Variants in RABGAP1L observed in about 807,000 individuals in gnomAD.
RABGAP1L encodes RAB GTPase activating protein 1 like, also known as rab GTPase-activating protein 1-like.
RABGAP1L carries 63 observed loss-of-function variants against 137.7 expected under a neutral mutation model. That is an observed-to-expected ratio of 0.46 (90% CI 0.37 to 0.56). RABGAP1L has a LOEUF of 0.56. RABGAP1L is among the 20% of genes least tolerant of loss of function. The pLI is 0.00. For synonymous variants in RABGAP1L, 431 were observed against 433.7 expected (o/e 0.99, Z 0.08); for missense variants, 1,095 against 1,244.0 (o/e 0.88, Z 1.80).
intron 14 of RABGAP1L, among the ~76,000 whole-genome samples, chr1:174,678,795 A>G (rs1271359755): frequency 1.3e-5 from 2 of 152,186 alleles, no homozygotes; most frequent in African/African-American, 4.8e-5. Flanking sequence ...AACCCCAGGC[A>G]CTTAGCCTGC....
At chr1:174,349,126 C>G (rs1408782966) in intron 11 of RABGAP1L, among the ~76,000 whole-genome samples, 1 of 129,662 alleles carries the variant, frequency 7.7e-6, no homozygotes, top group Non-Finnish European at 1.6e-5. Context: ...ACCTCCCGGA[C>G]GGGGCGGCTG....
chr1:174,615,181 G>C (rs187165532), intron 13 of RABGAP1L, among the ~76,000 whole-genome samples: 3 of 152,294 alleles, frequency 2.0e-5, no homozygotes, highest in Non-Finnish European at 2.9e-5. Flanking sequence ...CAGTTTTTCT[G>C]CTCTGTTTTT....
intron 17 of RABGAP1L, among the ~76,000 whole-genome samples, chr1:174,750,999 C>CT (rs553142123): frequency 1.3e-5 from 2 of 151,924 alleles, no homozygotes; most frequent in Non-Finnish European, 2.9e-5. Flanking sequence ...CTGTAATAGT[C>CT]TTTTTTTTCT....
chr1:174,233,008 G>A (rs1234176409), intron 4 of RABGAP1L, among the ~76,000 whole-genome samples: 1 of 152,110 alleles, frequency 6.6e-6, no homozygotes, highest in Non-Finnish European at 1.5e-5. Flanking sequence ...TCGTGGTTGG[G>A]AGTTCCTAGA....
intron 13 of RABGAP1L, among the ~76,000 whole-genome samples, chr1:174,523,844 G>A (rs1194934754): frequency 6.6e-6 from 1 of 152,102 alleles, no homozygotes; most frequent in East Asian, 1.9e-4. Context: ...ATTTGTGTGA[G>A]ATCAAGTTTT....
At chr1:174,916,686 C>T (rs935840936) in intron 19 of RABGAP1L, among the ~76,000 whole-genome samples, 5 of 152,158 alleles carry the variant, frequency 3.3e-5, no homozygotes, top group African/African-American at 4.8e-5. Context: ...AAATCAGACT[C>T]GCTCTACTAT....
At chr1:174,459,457 G>C (rs1358579649) in intron 13 of RABGAP1L, among the ~76,000 whole-genome samples, 1 of 151,984 alleles carries the variant, frequency 6.6e-6, no homozygotes, top group African/African-American at 2.4e-5. Flanking sequence ...ATGCCCCAAG[G>C]ATACCAAAAT....
intron 13 of RABGAP1L, among the ~76,000 whole-genome samples, chr1:174,535,547 T>C (rs1251487512): frequency 1.3e-5 from 2 of 152,182 alleles, no homozygotes; most frequent in Non-Finnish European, 2.9e-5. Context: ...CGGAATACTT[T>C]TGAAAGAACT....
At chr1:174,855,891 G>A (rs1052726975) in intron 19 of RABGAP1L, among the ~76,000 whole-genome samples, 34 of 152,206 alleles carry the variant, frequency 2.2e-4, no homozygotes, top group Non-Finnish European at 4.4e-4. Context: ...CCCCAGATGT[G>A]TAGCACTCTG....
chr1:174,456,021 T>C (rs1326719252), intron 13 of RABGAP1L, among the ~76,000 whole-genome samples: 1 of 152,148 alleles, frequency 6.6e-6, no homozygotes, highest in Non-Finnish European at 1.5e-5. Context: ...AGTGACCTGA[T>C]ATTTCTTTCT....
At chr1:174,221,478 C>T (rs1009292240) in intron 3 of RABGAP1L, among the ~76,000 whole-genome samples, 1 of 152,136 alleles carries the variant, frequency 6.6e-6, no homozygotes, top group Non-Finnish European at 1.5e-5. Flanking sequence ...TGGAGATAGT[C>T]TTTCATGTGA....
chr1:174,295,950 G>A (rs898161476), intron 10 of RABGAP1L, among the ~76,000 whole-genome samples: 3 of 152,222 alleles, frequency 2.0e-5, no homozygotes, highest in African/African-American at 7.2e-5. Context: ...ATGAAAAGCA[G>A]TAGATGAAAT....
intron 13 of RABGAP1L, among the ~76,000 whole-genome samples, chr1:174,637,143 T>C (rs1186107948): frequency 1.3e-5 from 2 of 151,954 alleles, no homozygotes; most frequent in African/African-American, 4.8e-5. Context: ...TCTCCCCATA[T>C]AAACATACAT....
At chr1:174,397,497 G>A (rs996419968) in intron 13 of RABGAP1L, among the ~76,000 whole-genome samples, 2 of 152,262 alleles carry the variant, frequency 1.3e-5, no homozygotes, top group Middle Eastern at 6.8e-3. Flanking sequence ...CACACCTAAA[G>A]AGCTGGAAGG....
chr1:174,261,973 A>G (rs1250252263), intron 7 of RABGAP1L, among the ~76,000 whole-genome samples: 1 of 152,212 alleles, frequency 6.6e-6, no homozygotes, highest in Non-Finnish European at 1.5e-5. Context: ...ATTCTGCATA[A>G]CATTTTAAAA....
intron 18 of RABGAP1L, among the ~76,000 whole-genome samples, chr1:174,791,218 T>C (rs1054964018): frequency 6.6e-6 from 1 of 151,306 alleles, no homozygotes; most frequent in Non-Finnish European, 1.5e-5. Context: ...AAAAAATGAA[T>C]GTCCCTATCT....
At chr1:174,975,600 C>A (rs1670573897) in intron 21 of RABGAP1L, among the ~76,000 whole-genome samples, 1 of 152,166 alleles carries the variant, frequency 6.6e-6, no homozygotes, top group Non-Finnish European at 1.5e-5. Flanking sequence ...CCTCAGACCA[C>A]CCTGTCTGCT....
At chr1:174,205,022 G>T (rs987386170) in intron 1 of RABGAP1L, among the ~76,000 whole-genome samples, 4 of 152,138 alleles carry the variant, frequency 2.6e-5, no homozygotes, top group African/African-American at 9.7e-5. Flanking sequence ...TGTGAGAATG[G>T]ACTAATAAAG....
chr1:174,800,383 T>C (rs1688645907), intron 18 of RABGAP1L: 5 of 1,550,612 alleles, frequency 3.2e-6, no homozygotes, highest in Non-Finnish European at 4.4e-6. Context: ...TCACACCTCC[T>C]GTCAAAAAGT....
Sources: allele counts gnomAD v4.1 joint callset (sites outside exome capture counted in the v4.1 genomes callset), GRCh38; gene constraint gnomAD v4.1.1; transcripts MANE v1.5; gene names NCBI Gene and HGNC (gene_info 2026-07-23, HGNC 2026-07-21).